The following VAV2 variants were observed in gnomAD, a reference collection of about 807,000 sequenced individuals.
The protein encoded by VAV2 is guanine nucleotide exchange factor VAV2.
A neutral mutation model predicts 132.5 loss-of-function variants in VAV2; 67 were observed. That is an observed-to-expected ratio of 0.51 (90% confidence interval 0.42 to 0.62). The LOEUF is 0.62. Among genes scored for constraint, VAV2 ranks in the 20% least tolerant of loss-of-function variants. VAV2 has a pLI of 0.00. For synonymous variants in VAV2, 492 were observed against 443.5 expected (o/e 1.11, Z -1.37); for missense variants, 938 against 1,153.6 (o/e 0.81, Z 2.71).
At chr9:133,813,244 G>A (rs1835424784) in intron 4 of VAV2, among the ~76,000 whole-genome samples, 1 of 152,232 alleles carries the variant, frequency 6.6e-6, no homozygotes, top group African/African-American at 2.4e-5. Context: ...GGCTCAAAGT[G>A]GGTGGCAAAG....
intron 11 of VAV2, 101 bp from the exon 12 acceptor site, chr9:133,795,837 A>G (rs1163172279): frequency 7.5e-7 from 1 of 1,331,362 alleles, no homozygotes; most frequent in Admixed American, 2.1e-5. Flanking sequence ...CCAAGTCCTC[A>G]GAAGAAAGCC....
intron 3 of VAV2, among the ~76,000 whole-genome samples, chr9:133,844,086 C>T (rs1588257554): frequency 2.6e-5 from 4 of 152,300 alleles, no homozygotes; most frequent in African/African-American, 9.6e-5. Flanking sequence ...CTCGGCAAGG[C>T]AGAGGAAGAC....
chr9:133,914,533 A>G (rs1243094614), intron 2 of VAV2, among the ~76,000 whole-genome samples: 3 of 143,550 alleles, frequency 2.1e-5, no homozygotes, highest in Admixed American at 7.1e-5. Flanking sequence ...GACTCTGGTG[A>G]CCAAGGGCAG....
chr9:133,820,692 C>A lies in VAV2; in HGVS notation c.450-8476G>T, dbSNP rs183086167. Among the ~76,000 whole-genome samples the A allele has an allele frequency of 2.2e-4, 33 of 152,302 alleles. No homozygotes were observed. The East Asian group carries it at 6.0e-3, about 28-fold the overall frequency. On this transcript the variant is annotated intron_variant, in intron 4 of 29. Coordinates refer to ENST00000371850, the MANE Select transcript of VAV2 (RefSeq NM_001134398.2). Reference sequence around the variant, plus strand: ...GTCTCAGTCACCTGGAAGGCAGGTTCACTTACGTCATGACCAGCAGGCCCA... The same window carrying A: ...GTCTCAGTCACCTGGAAGGCAGGTTAACTTACGTCATGACCAGCAGGCCCA...
intron 14 of VAV2, 60 bp downstream of exon 14, chr9:133,789,198 G>T: frequency 6.3e-7 from 1 of 1,581,346 alleles, no homozygotes; most frequent in Admixed American, 1.7e-5. Context: ...GTGGCTCCCT[G>T]GGAGGGAGAG....
chr9:133,794,789 G>T lies in VAV2; in HGVS notation c.1101+879C>A, dbSNP rs1013369149. Reference sequence around the variant, plus strand: ...TGCTGTGCCTGGCCTGGGGACACAGGTGACTATGGCTGACACATGCCTGGC... The same window carrying T: ...TGCTGTGCCTGGCCTGGGGACACAGTTGACTATGGCTGACACATGCCTGGC... On this transcript the variant is annotated intron_variant, in intron 12 of 29. Coordinates refer to ENST00000371850, the MANE Select transcript of VAV2 (RefSeq NM_001134398.2). The surrounding 1 kb of genome is among the most constrained non-coding windows in gnomAD (Gnocchi z 4.6). Among the ~76,000 whole-genome samples, 3 of 152,240 alleles carry T rather than the reference G, an allele frequency of 2.0e-5. No individual in the cohort carries two copies. Among genetic ancestry groups the T allele is most frequent in the African/African-American group, 7.2e-5 (3 of 41,460 alleles).
chr9:133,856,471 C>T (rs3819505), intron 3 of VAV2, among the ~76,000 whole-genome samples: 24,061 of 149,576 alleles, frequency 0.16, 2,128 homozygotes, highest in Non-Finnish European at 0.18. Context: ...CACCGGGACC[C>T]CATGCTGGTA....
In VAV2 at chr9:133,840,579, CA is replaced by C. The variant is rs1836680643; in HGVS notation, c.381-6240del. On this transcript the variant is annotated intron_variant, in intron 3 of 29. Transcript: ENST00000371850. This position sits in a 1 kb window ranked among gnomAD's most constrained non-coding sequence, Gnocchi z 4.5. ...ACAGACCAGAAAACAGAACACCCTACAGGGGTGCCCAAACCCAAACCCCGAA... is the reference window on the plus strand; with the variant it reads ...ACAGACCAGAAAACAGAACACCCTACGGGGTGCCCAAACCCAAACCCCGAA... Among the ~76,000 whole-genome samples, 1 of 152,192 alleles carries C rather than the reference CA, an allele frequency of 6.6e-6. No individual in the cohort carries two copies. The highest frequency in any genetic ancestry group is 2.4e-5 in the African/African-American group (1 of 41,448).
At chr9:133,772,095 C>T (rs1250379146) in intron 25 of VAV2, 49 bp from the exon 26 acceptor site, 2 of 1,522,608 alleles carry the variant, frequency 1.3e-6, no homozygotes, top group African/African-American at 2.7e-5. Context: ...GCCACACGGC[C>T]CCGGCCCCCT....
intron 1 of VAV2, among the ~76,000 whole-genome samples, chr9:133,968,851 C>T (rs528123027): frequency 1.2e-4 from 19 of 152,296 alleles, no homozygotes; most frequent in African/African-American, 3.8e-4. Flanking sequence ...CAGCGGCTCG[C>T]GACAGCACAG....
At position 133,778,846 on chromosome 9, in the gene VAV2, G is replaced by T; in HGVS notation, c.1806C>A (p.Ala602=). ...VAMQNYHGNP[A]PPGKPVLTFQ... is the part of the protein sequence containing the mutation. ...AGGTCAGCACAGGCTTCCCGGGAGGGGCTGGGTTGCCATGGTAATTCTGCA... is the reference window on the plus strand; with the variant it reads ...AGGTCAGCACAGGCTTCCCGGGAGGTGCTGGGTTGCCATGGTAATTCTGCA... The change falls in exon 22 of 30, where the codon GCC becomes GCA. Residue 602 remains alanine (A), a synonymous_variant. Coordinates refer to ENST00000371850, the MANE Select transcript of VAV2 (RefSeq NM_001134398.2). 1 of 1,612,776 alleles carries T rather than the reference G, an allele frequency of 6.2e-7. No homozygotes were observed. Among genetic ancestry groups the T allele is most frequent in the Non-Finnish European group, 8.5e-7 (1 of 1,179,850 alleles).
At chr9:133,868,537 A>C (rs1837898396) in intron 2 of VAV2, among the ~76,000 whole-genome samples, 1 of 152,232 alleles carries the variant, frequency 6.6e-6, no homozygotes, top group African/African-American at 2.4e-5. Flanking sequence ...AGCTTGCGGA[A>C]AGGGGACTGT....
chr9:133,835,628 G>T (rs1230277057), intron 3 of VAV2, among the ~76,000 whole-genome samples: 2 of 152,210 alleles, frequency 1.3e-5, no homozygotes, highest in Non-Finnish European at 2.9e-5. Flanking sequence ...TGGAGGGGCT[G>T]CCCGGGCCCA....
intron 1 of VAV2, among the ~76,000 whole-genome samples, chr9:133,947,953 G>C (rs999550186): frequency 6.6e-6 from 1 of 151,938 alleles, no homozygotes; most frequent in Non-Finnish European, 1.5e-5. Flanking sequence ...CCAATGACGA[G>C]CTAATTTTTG....
In VAV2 at chr9:133,775,023, T is replaced by C; in HGVS notation, c.2047A>G (p.Thr683Ala). The change falls in exon 25 of 30, where the codon ACG becomes GCG. Residue 683 changes from threonine (T) to alanine (A), a missense_variant. By Grantham distance (58) the Thr-to-Ala change is moderately conservative (BLOSUM62 0). Coordinates refer to ENST00000371850, the MANE Select transcript of VAV2 (RefSeq NM_001134398.2). ...WFAGNMERQQ[T>A]DNLLKSHASG... ...GCGTGGGACTTGAGCAGGTTGTCCGTCTGCTGCCTCTCCATGTTACCTGCA... is the reference window on the plus strand; with the variant it reads ...GCGTGGGACTTGAGCAGGTTGTCCGCCTGCTGCCTCTCCATGTTACCTGCA... 1 of 1,612,214 alleles carries C rather than the reference T, an allele frequency of 6.2e-7. No homozygotes were observed. Among genetic ancestry groups the C allele is most frequent in the East Asian group, 2.2e-5 (1 of 44,800 alleles).
At chr9:133,777,348 A>C (rs747470111) in intron 23 of VAV2, 41 bp downstream of exon 23, 6 of 1,605,704 alleles carry the variant, frequency 3.7e-6, no homozygotes, top group South Asian at 1.1e-5. Flanking sequence ...CTCAGCACCC[A>C]GGCCACCGTG....
intron 7 of VAV2, among the ~76,000 whole-genome samples, chr9:133,808,713 G>T (rs1214559746): frequency 6.6e-6 from 1 of 152,224 alleles, no homozygotes; most frequent in Non-Finnish European, 1.5e-5. Flanking sequence ...CTCTAGGTGG[G>T]GTGGGGGGAA....
intron 3 of VAV2, among the ~76,000 whole-genome samples, chr9:133,837,728 AC>A (rs1160529377): frequency 6.6e-6 from 1 of 151,006 alleles, no homozygotes; most frequent in African/African-American, 2.4e-5. Context: ...AAAAAAAAAA[AC>A]CTTTTTAAAA....
Position 133,788,242 on chromosome 9 carries a change from C to CCCCCCCCA in VAV2, c.1407+111_1407+112insTGGGGGGG. 1 of 1,165,376 alleles carries CCCCCCCCA rather than the reference C, an allele frequency of 8.6e-7. No individual in the cohort carries two copies. The highest frequency in any genetic ancestry group is 1.2e-6 in the Non-Finnish European group (1 of 827,214). 72.2% of individuals were successfully genotyped at this position (1,165,376 alleles called of 1,614,324 possible). A position where few individuals can be genotyped will look rare whatever the true frequency, so the allele number is the denominator to read the frequency against. On this transcript the variant is annotated intron_variant, in intron 15 of 29. Transcript: ENST00000371850. The surrounding 1 kb of genome is among the most constrained non-coding windows in gnomAD (Gnocchi z 5.3). The stretch of plus-strand genomic sequence containing the variant: ...GAGACGCCCACCCCAACCCACCCGG[C>CCCCCCCCA]CAGCATCAGCGGCTGACTTCGAGTC...
Sources: allele counts gnomAD v4.1 joint callset (sites outside exome capture counted in the v4.1 genomes callset), GRCh38; gene constraint gnomAD v4.1.1; non-coding constraint Gnocchi (gnomAD v3.1); transcripts MANE v1.5; gene names NCBI Gene and HGNC (gene_info 2026-07-23, HGNC 2026-07-21).